The following ZBTB7C variants were observed in gnomAD, a reference collection of about 807,000 sequenced individuals.
ZBTB7C encodes zinc finger and BTB domain containing 7C, also known as zinc finger and BTB domain-containing protein 7C.
ZBTB7C carries 8 observed loss-of-function variants against 25.7 expected under a neutral mutation model. The observed-to-expected ratio is 0.31, with a 90% CI of 0.18 to 0.56. The LOEUF (loss-of-function observed/expected upper bound fraction) is 0.56. Among genes scored for constraint, ZBTB7C ranks in the 20% least tolerant of loss-of-function variants. The pLI is 0.91. For synonymous variants in ZBTB7C, 394 were observed against 369.0 expected, an observed-to-expected ratio of 1.07 and a Z score of -0.78; for missense variants, 824 against 855.2, an observed-to-expected ratio of 0.96 and a Z score of 0.46.
chr18:48,323,908 C>A (rs2046155686), intron 2 of ZBTB7C, among the ~76,000 whole-genome samples: 1 of 152,070 alleles, frequency 6.6e-6, no homozygotes, highest in African/African-American at 2.4e-5. Flanking sequence ...ACCCTAATCG[C>A]AATGGTGATG....
intron 1 of ZBTB7C, among the ~76,000 whole-genome samples, chr18:48,367,348 A>G (rs1467286440): frequency 4.5e-4 from 2 of 4,432 alleles, no homozygotes; most frequent in Admixed American, 7.0e-3. Flanking sequence ...ATATGTGTGC[A>G]TATATATATA....
At chr18:48,134,481 C>A (rs2040086281) in intron 3 of ZBTB7C, among the ~76,000 whole-genome samples, 1 of 151,912 alleles carries the variant, frequency 6.6e-6, no homozygotes, top group Non-Finnish European at 1.5e-5. Flanking sequence ...TCAGTTGAGT[C>A]CTAAAACCGC....
intron 2 of ZBTB7C, among the ~76,000 whole-genome samples, chr18:48,249,152 A>G (rs537461887): frequency 7.4e-4 from 112 of 152,378 alleles, no homozygotes; most frequent in African/African-American, 2.5e-3. Context: ...TAGTAGATTC[A>G]TTCCAGAGTG....
At chr18:48,198,428 G>A (rs1480352531) in intron 2 of ZBTB7C, among the ~76,000 whole-genome samples, 5 of 152,144 alleles carry the variant, frequency 3.3e-5, no homozygotes, top group Non-Finnish European at 7.3e-5. Flanking sequence ...TTAGAGTTCT[G>A]GAAGTCGGCA....
chr18:48,283,383 C>G (rs899416025), intron 2 of ZBTB7C, among the ~76,000 whole-genome samples: 22 of 151,908 alleles, frequency 1.4e-4, no homozygotes, highest in Admixed American at 1.2e-3. Context: ...TTCCAAATTC[C>G]CTGCAATGAA....
chr18:48,095,873 C>A (rs1010060659), intron 3 of ZBTB7C, among the ~76,000 whole-genome samples: 1 of 152,156 alleles, frequency 6.6e-6, no homozygotes, highest in South Asian at 2.1e-4. Context: ...GGGCAAAATC[C>A]CCTGGCTTGT....
intron 2 of ZBTB7C, among the ~76,000 whole-genome samples, chr18:48,211,852 G>T (rs1255169255): frequency 6.6e-6 from 1 of 152,114 alleles, no homozygotes; most frequent in African/African-American, 2.4e-5. Context: ...TTACCTAAAT[G>T]AATTAAAAAC....
chr18:48,399,017 G>C (rs1018093741), intron 1 of ZBTB7C, among the ~76,000 whole-genome samples: 2 of 152,166 alleles, frequency 1.3e-5, no homozygotes, highest in African/African-American at 4.8e-5. Flanking sequence ...CAAAAGACTG[G>C]AAACAACTGA....
intron 2 of ZBTB7C, among the ~76,000 whole-genome samples, chr18:48,299,846 T>C (rs562223772): frequency 3.8e-4 from 58 of 152,346 alleles, no homozygotes; most frequent in African/African-American, 1.2e-3. Context: ...TCATCTGACA[T>C]TGGATACAAT....
intron 3 of ZBTB7C, among the ~76,000 whole-genome samples, chr18:48,131,530 G>T (rs2039985986): frequency 6.6e-6 from 1 of 152,086 alleles, no homozygotes; most frequent in Non-Finnish European, 1.5e-5. Flanking sequence ...CCCCATGCCA[G>T]TTGGCTCAAA....
At chr18:48,223,762 G>T (rs887867933) in intron 2 of ZBTB7C, among the ~76,000 whole-genome samples, 5 of 152,202 alleles carry the variant, frequency 3.3e-5, no homozygotes, top group Non-Finnish European at 7.3e-5. Flanking sequence ...TGGGAGAACT[G>T]CCAGCCCATC....
chr18:48,189,751 C>T (rs145025285), intron 2 of ZBTB7C, among the ~76,000 whole-genome samples: 639 of 152,282 alleles, frequency 4.2e-3, no homozygotes, highest in Non-Finnish European at 6.7e-3. Flanking sequence ...TCAATCCCAA[C>T]GACCTGGCTC....
intron 2 of ZBTB7C, among the ~76,000 whole-genome samples, chr18:48,303,377 C>A (rs2045590545): frequency 6.6e-6 from 1 of 152,194 alleles, no homozygotes; most frequent in East Asian, 1.9e-4. Flanking sequence ...ATCTATAAGA[C>A]AGGGTCAGTG....
At chr18:48,403,224 G>A (rs2048201843) in intron 1 of ZBTB7C, among the ~76,000 whole-genome samples, 1 of 152,238 alleles carries the variant, frequency 6.6e-6, no homozygotes, top group African/African-American at 2.4e-5. Flanking sequence ...AGTCAAGCTA[G>A]AGGAACTCCA....
chr18:48,394,038 G>A (rs2047962244), intron 1 of ZBTB7C, among the ~76,000 whole-genome samples: 1 of 152,188 alleles, frequency 6.6e-6, no homozygotes, highest in South Asian at 2.1e-4. Context: ...GGATTTTGAA[G>A]TATTTCTATC....
chr18:48,371,024 T>C lies in ZBTB7C; in HGVS notation c.-303-32626A>G, dbSNP rs184223618. Reference sequence around the variant, plus strand: ...CATTACTGGAAGGACACGAAGCCCCTGAAAGTAAGTGTACAAAAGGGTAGG... The same window carrying C: ...CATTACTGGAAGGACACGAAGCCCCCGAAAGTAAGTGTACAAAAGGGTAGG... On this transcript the variant is annotated intron_variant, in intron 1 of 4. Transcript: ENST00000590800. Among the ~76,000 whole-genome samples the C allele has an allele frequency of 3.7e-3, 561 of 152,276 alleles. 3 individuals are homozygous for C. Among genetic ancestry groups the C allele is most frequent in the Non-Finnish European group, 4.8e-3 (324 of 68,014 alleles).
chr18:48,071,368 C>A (rs1247996425), intron 3 of ZBTB7C, among the ~76,000 whole-genome samples: 1 of 152,176 alleles, frequency 6.6e-6, no homozygotes, highest in African/African-American at 2.4e-5. Flanking sequence ...AGAAGACATA[C>A]AAATGGCCCA....
intron 3 of ZBTB7C, among the ~76,000 whole-genome samples, chr18:48,067,893 C>T (rs1285404596): frequency 4.6e-5 from 7 of 152,094 alleles, no homozygotes; most frequent in South Asian, 2.1e-4. Flanking sequence ...CCCAGCTACT[C>T]GGGAAGCTAA....
chr18:48,193,862 T>G (rs1167158415), intron 2 of ZBTB7C, among the ~76,000 whole-genome samples: 1 of 152,156 alleles, frequency 6.6e-6, no homozygotes, highest in Non-Finnish European at 1.5e-5. Context: ...CCAGCAAGCA[T>G]TTATGGAGGG....
Sources: gnomAD v4.1 joint callset for allele counts (sites outside exome capture counted in the v4.1 genomes callset) on GRCh38, gnomAD v4.1.1 for gene constraint, MANE v1.5 for transcripts, NCBI Gene and HGNC (gene_info 2026-07-23, HGNC 2026-07-21) for gene names.